Variants in POTEC observed in about 807,000 individuals in gnomAD.
The protein encoded by POTEC is ANKRD26-like family B member 2.
In POTEC, 35 loss-of-function variants were observed where a neutral mutation model predicts 62.0. That is an observed-to-expected ratio of 0.56 (90% CI 0.43 to 0.75). POTEC has a LOEUF of 0.75. POTEC is among the 30% of genes least tolerant of loss of function. The pLI is 0.00. For missense variants in POTEC, 472 were observed against 655.9 expected (o/e 0.72, Z 3.06); for synonymous variants, 156 against 221.5 (o/e 0.70, Z 2.62).
chr18:14,540,628 A>T lies in POTEC; in HGVS notation c.521+1998T>A, dbSNP rs527434086. On this transcript the variant is annotated intron_variant, in intron 1 of 10. Coordinates refer to ENST00000358970, the MANE Select transcript of POTEC (RefSeq NM_001137671.2). ...TAAAATTTGTTCATAAAATCTTTAT[A>T]TGAGTTCTCAACACATGGCTATTTT... Among the ~76,000 whole-genome samples the T allele has an allele frequency of 1.5e-3, 223 of 152,324 alleles. 1 individual carries two copies. The highest frequency in any genetic ancestry group is 0.014 in the Middle Eastern group (4 of 294).
intron 9 of POTEC, among the ~76,000 whole-genome samples, chr18:14,514,610 G>A (rs1181272051): frequency 6.6e-6 from 1 of 152,054 alleles, no homozygotes; most frequent in African/African-American, 2.4e-5. Flanking sequence ...TTTTATCTGT[G>A]TATGAGAGAG....
At chr18:14,539,394 C>T (rs920758263) in intron 1 of POTEC, among the ~76,000 whole-genome samples, 3 of 148,002 alleles carry the variant, frequency 2.0e-5, no homozygotes, top group Non-Finnish European at 4.4e-5. Context: ...GCCTAGTACC[C>T]GTTAGTTCTA....
chr18:14,521,790 T>G (rs1910315667), intron 9 of POTEC, among the ~76,000 whole-genome samples: 2 of 152,138 alleles, frequency 1.3e-5, no homozygotes, highest in Non-Finnish European at 1.5e-5. Context: ...TACTCATTAG[T>G]GGAAACTAAA....
At chr18:14,530,655 T>C in intron 5 of POTEC, 102 bp from the exon 6 acceptor site, 4 of 957,342 alleles carry the variant, frequency 4.2e-6, no homozygotes, top group Non-Finnish European at 6.0e-6. Context: ...AATATCATAA[T>C]ATCAGAATTT....
chr18:14,535,387 C>G (rs1905679483), intron 3 of POTEC, among the ~76,000 whole-genome samples: 1 of 151,418 alleles, frequency 6.6e-6, no homozygotes, highest in Non-Finnish European at 1.5e-5. Context: ...GTGTATAAAG[C>G]AAGAATTTGA....
intron 6 of POTEC, among the ~76,000 whole-genome samples, chr18:14,526,329 A>G (rs113231541): frequency 0.14 from 20,620 of 151,916 alleles, 1,521 homozygotes; most frequent in Non-Finnish European, 0.15. Flanking sequence ...CACCTTTACC[A>G]CCTGAACTGT....
At chr18:14,521,291 A>G (rs1327232745) in intron 9 of POTEC, among the ~76,000 whole-genome samples, 1 of 152,180 alleles carries the variant, frequency 6.6e-6, no homozygotes, top group Non-Finnish European at 1.5e-5. Flanking sequence ...AGATATTACA[A>G]GAATTCTAAC....
intron 9 of POTEC, among the ~76,000 whole-genome samples, chr18:14,514,571 T>C (rs1910099753): frequency 6.6e-6 from 1 of 152,224 alleles, no homozygotes; most frequent in South Asian, 2.1e-4. Flanking sequence ...GGTCTAATAT[T>C]GTGTTTTTAA....
chr18:14,513,302 G>A (rs367977873), intron 10 of POTEC, among the ~76,000 whole-genome samples: 2 of 152,172 alleles, frequency 1.3e-5, no homozygotes, highest in African/African-American at 2.4e-5. Flanking sequence ...TAAAAAGAAC[G>A]AATGTCCCAA....
chr18:14,537,238 T>C (rs1330557762), intron 3 of POTEC, among the ~76,000 whole-genome samples: 27 of 108,744 alleles, frequency 2.5e-4, no homozygotes, highest in Middle Eastern at 5.5e-3. Context: ...AAAAAAAACC[T>C]CTTCATGGTC....
chr18:14,526,902 G>A (rs935801500), intron 6 of POTEC, among the ~76,000 whole-genome samples: 2 of 152,090 alleles, frequency 1.3e-5, no homozygotes, highest in African/African-American at 4.8e-5. Flanking sequence ...TTAAGACAAG[G>A]TGACAGCTAG....
chr18:14,531,364 T>C (rs1357170405), intron 5 of POTEC, among the ~76,000 whole-genome samples: 2 of 151,554 alleles, frequency 1.3e-5, no homozygotes, highest in Non-Finnish European at 2.9e-5. Flanking sequence ...CCAGCAGATG[T>C]TTGTTAGGAT....
At chr18:14,535,771 T>A (rs1006700031) in intron 3 of POTEC, among the ~76,000 whole-genome samples, 2 of 151,974 alleles carry the variant, frequency 1.3e-5, no homozygotes, top group African/African-American at 4.8e-5. Context: ...AACGACTTAC[T>A]GACCTAAGCA....
intron 6 of POTEC, among the ~76,000 whole-genome samples, chr18:14,525,983 C>A (rs1385036658): frequency 6.6e-6 from 1 of 151,978 alleles, no homozygotes; most frequent in East Asian, 1.9e-4. Context: ...CTCACTGCAA[C>A]CTCTGACTCC....
intron 3 of POTEC, 34 bp from the exon 4 acceptor site, chr18:14,535,041 A>G: frequency 6.3e-7 from 1 of 1,590,356 alleles, no homozygotes; most frequent in Non-Finnish European, 8.6e-7. Context: ...ACAATATGTA[A>G]TTCAAAAAAT....
chr18:14,539,223 T>C (rs1905850234), intron 1 of POTEC, among the ~76,000 whole-genome samples: 1 of 151,978 alleles, frequency 6.6e-6, no homozygotes, highest in Admixed American at 6.6e-5. Flanking sequence ...AAGACTGTTA[T>C]AAATTTTCTC....
chr18:14,537,949 C>T lies in POTEC; in HGVS notation c.662G>A (p.Cys221Tyr), dbSNP rs556119204. The T allele has an allele frequency of 1.1e-5, 18 of 1,612,476 alleles. No homozygotes were observed. The highest frequency in any genetic ancestry group is 4.5e-5 in the East Asian group (2 of 44,858). The change falls in exon 3 of 11, where the codon TGT becomes TAT. Residue 221 changes from cysteine to tyrosine, a missense_variant. Physicochemically the swap from Cys to Tyr is radical, Grantham distance 194. Around this residue, in one of 5 missense-constraint regions of POTEC, gnomAD observed 13 missense variants for 38.4 expected, o/e 0.34. Coordinates refer to ENST00000358970, the MANE Select transcript of POTEC (RefSeq NM_001137671.2). ...IKAVQCQEDE[C>Y]VLMLLEHGAD... The stretch of plus-strand genomic sequence containing the variant: ...GCCATGTTCCAGCAACATTAACACA[C>T]ATTCATCTTCCTGGCATTGTACGGC...
intron 9 of POTEC, among the ~76,000 whole-genome samples, chr18:14,516,126 A>G (rs895351651): frequency 4.0e-5 from 6 of 150,352 alleles, no homozygotes; most frequent in African/African-American, 1.5e-4. Flanking sequence ...CTGTTAAAGT[A>G]GATCTTACCA....
intron 9 of POTEC, among the ~76,000 whole-genome samples, chr18:14,518,445 C>A (rs1246825860): frequency 6.6e-6 from 1 of 151,706 alleles, no homozygotes; most frequent in Non-Finnish European, 1.5e-5. Context: ...ATATAAAAGT[C>A]TCTAAGAAAT....
Sources: gnomAD v4.1 joint callset for allele counts (sites outside exome capture counted in the v4.1 genomes callset) on GRCh38, gnomAD v4.1.1 for gene constraint, gnomAD v4.1.1 regional missense constraint, MANE v1.5 for transcripts, NCBI Gene and HGNC (gene_info 2026-07-23, HGNC 2026-07-21) for gene names.